Variants in PARD3B observed in about 807,000 individuals in gnomAD.
PARD3B encodes the protein par-3 family cell polarity regulator beta.
PARD3B carries 103 observed loss-of-function variants against 130.2 expected under a neutral mutation model. That is an observed-to-expected ratio of 0.79 (90% CI 0.67 to 0.93). PARD3B has a LOEUF of 0.93. Among genes scored for constraint, PARD3B ranks in the 40% least tolerant of loss-of-function variants. The pLI is 0.00. For missense variants in PARD3B, 1,609 were observed against 1,499.2 expected (o/e 1.07, Z -1.21); for synonymous variants, 583 against 553.2 (o/e 1.05, Z -0.76).
chr2:205,227,617 T>C (rs79940689), intron 15 of PARD3B, among the ~76,000 whole-genome samples: 1,604 of 151,950 alleles, frequency 0.011, 33 homozygotes, highest in African/African-American at 0.037. Context: ...TATTGCATCT[T>C]TTTTTTTAAA....
At chr2:204,764,272 G>A (rs974832645) in intron 2 of PARD3B, among the ~76,000 whole-genome samples, 1 of 152,172 alleles carries the variant, frequency 6.6e-6, no homozygotes, top group Non-Finnish European at 1.5e-5. Context: ...CAAGCCCTTA[G>A]CTTGAGTTAC....
chr2:204,759,416 G>A (rs1166430212), intron 2 of PARD3B, among the ~76,000 whole-genome samples: 1 of 152,022 alleles, frequency 6.6e-6, no homozygotes. Context: ...CTCCAGAAAT[G>A]TTTTTATATA....
intron 20 of PARD3B, among the ~76,000 whole-genome samples, chr2:205,465,019 A>T (rs1390173376): frequency 6.6e-6 from 1 of 152,210 alleles, no homozygotes; most frequent in East Asian, 1.9e-4. Flanking sequence ...TGACTTCGTT[A>T]CATCTCAAAT....
intron 10 of PARD3B, among the ~76,000 whole-genome samples, chr2:205,153,825 G>C (rs1360132621): frequency 1.3e-5 from 2 of 152,138 alleles, no homozygotes; most frequent in Non-Finnish European, 2.9e-5. Flanking sequence ...AATGGTGCTG[G>C]GAAAACTGGC....
chr2:205,299,094 A>G (rs1021959826), intron 16 of PARD3B, among the ~76,000 whole-genome samples: 3 of 152,146 alleles, frequency 2.0e-5, no homozygotes, highest in East Asian at 3.9e-4. Context: ...AGCTATTACG[A>G]TTATTCATTA....
intron 18 of PARD3B, among the ~76,000 whole-genome samples, chr2:205,332,393 A>G (rs981351161): frequency 1.3e-5 from 2 of 152,158 alleles, no homozygotes; most frequent in African/African-American, 4.8e-5. Context: ...GATCTCCCCA[A>G]GCCCCTTTTA....
intron 22 of PARD3B, among the ~76,000 whole-genome samples, chr2:205,588,396 A>AT (rs1341989566): frequency 6.6e-6 from 1 of 152,006 alleles, no homozygotes; most frequent in Non-Finnish European, 1.5e-5. Flanking sequence ...CACTTTTCTT[A>AT]TTTTTGTTAT....
chr2:204,752,596 A>G (rs1306199429), intron 2 of PARD3B, among the ~76,000 whole-genome samples: 7 of 152,184 alleles, frequency 4.6e-5, no homozygotes, highest in Admixed American at 6.6e-5. Context: ...CATTATTCCA[A>G]TGGTGTAACT....
At chr2:205,213,011 G>C (rs894132550) in intron 15 of PARD3B, among the ~76,000 whole-genome samples, 1 of 152,116 alleles carries the variant, frequency 6.6e-6, no homozygotes, top group Non-Finnish European at 1.5e-5. Flanking sequence ...AGATATCTCA[G>C]CTAGTAAATG....
At chr2:205,147,675 C>T (rs1393427336) in intron 10 of PARD3B, among the ~76,000 whole-genome samples, 3 of 152,018 alleles carry the variant, frequency 2.0e-5, no homozygotes, top group Non-Finnish European at 2.9e-5. Context: ...TCATATCTGT[C>T]GTCGAAAATT....
rs967394102 is a variant in PARD3B, at chr2:205,043,450, C to A, written c.395-4131C>A. Among the ~76,000 whole-genome samples, 4 of 152,158 alleles carry A rather than the reference C, an allele frequency of 2.6e-5. 1 individual carries two copies. The highest frequency in any genetic ancestry group is 2.0e-4 in the Admixed American group (3 of 15,260). ...TAAGTGATGAGACTGAGTCACAGAGCAGTGCAAGTTCAATGCCACAGAGCA... is the reference window on the plus strand; with the variant it reads ...TAAGTGATGAGACTGAGTCACAGAGAAGTGCAAGTTCAATGCCACAGAGCA... On this transcript the variant is annotated intron_variant, in intron 3 of 22. Coordinates refer to ENST00000406610, the MANE Select transcript of PARD3B (RefSeq NM_001302769.2).
At chr2:204,822,623 G>A (rs1046732088) in intron 2 of PARD3B, among the ~76,000 whole-genome samples, 1 of 152,082 alleles carries the variant, frequency 6.6e-6, no homozygotes, top group Non-Finnish European at 1.5e-5. Flanking sequence ...CAGGTAATTT[G>A]GAATGAATGC....
At chr2:204,741,723 G>A (rs2040016788) in intron 2 of PARD3B, among the ~76,000 whole-genome samples, 1 of 152,100 alleles carries the variant, frequency 6.6e-6, no homozygotes, top group East Asian at 1.9e-4. Flanking sequence ...TTGGCACTTT[G>A]TAGACATAAG....
At position 204,936,173 on chromosome 2, in the gene PARD3B, T is replaced by C. The variant is rs563142145; in HGVS notation, c.223-28979T>C. Among the ~76,000 whole-genome samples the C allele has an allele frequency of 3.3e-5, 5 of 152,358 alleles. No homozygotes were observed. The East Asian group carries it at 9.7e-4, about 29-fold the overall frequency. On this transcript the variant is annotated intron_variant, in intron 2 of 22. Coordinates refer to ENST00000406610, the MANE Select transcript of PARD3B (RefSeq NM_001302769.2). ...TACTCCGCAGCCAGGAAGAGAACCCTGTGCTTCATGCCACTGCTCCAGCTT... is the reference window on the plus strand; with the variant it reads ...TACTCCGCAGCCAGGAAGAGAACCCCGTGCTTCATGCCACTGCTCCAGCTT...
At chr2:204,565,659 C>T (rs545659315) in intron 1 of PARD3B, among the ~76,000 whole-genome samples, 3 of 152,254 alleles carry the variant, frequency 2.0e-5, no homozygotes, top group Admixed American at 2.0e-4. Context: ...ACAACAAATG[C>T]TGTCATCTGT....
At chr2:204,637,042 A>G (rs959904485) in intron 1 of PARD3B, among the ~76,000 whole-genome samples, 1 of 152,084 alleles carries the variant, frequency 6.6e-6, no homozygotes, top group African/African-American at 2.4e-5. Flanking sequence ...GAAAATAAAC[A>G]CTTAATCCCT....
At chr2:205,166,791 T>C (rs2034845548) in intron 11 of PARD3B, among the ~76,000 whole-genome samples, 1 of 152,192 alleles carries the variant, frequency 6.6e-6, no homozygotes, top group African/African-American at 2.4e-5. Context: ...GGTCCAGCCC[T>C]ATTCCAGGGA....
intron 15 of PARD3B, among the ~76,000 whole-genome samples, chr2:205,202,856 T>C (rs1346051945): frequency 6.6e-6 from 1 of 152,188 alleles, no homozygotes; most frequent in East Asian, 1.9e-4. Context: ...GTTTTTCTTA[T>C]AATTAGTAGT....
chr2:205,140,159 G>A (rs1229675691), intron 10 of PARD3B, among the ~76,000 whole-genome samples: 2 of 152,242 alleles, frequency 1.3e-5, no homozygotes, highest in African/African-American at 4.8e-5. Flanking sequence ...CACCGGGCAG[G>A]TAGTGAAAGG....
Sources: allele counts gnomAD v4.1 joint callset (sites outside exome capture counted in the v4.1 genomes callset), GRCh38; gene constraint gnomAD v4.1.1; transcripts MANE v1.5; gene names NCBI Gene and HGNC (gene_info 2026-07-23, HGNC 2026-07-21).